TNR: variants seen among roughly 807,000 people sequenced by gnomAD.
The protein encoded by TNR is tenascin R.
A neutral mutation model predicts 150.4 loss-of-function variants in TNR; 45 were observed. That is an observed-to-expected ratio of 0.30 (90% CI 0.24 to 0.38). The LOEUF (loss-of-function observed/expected upper bound fraction) is 0.38. TNR is among the 10% of genes least tolerant of loss of function. TNR has a pLI of 1.00. For synonymous variants in TNR, 687 were observed against 678.4 expected, an observed-to-expected ratio of 1.01 and a Z score of -0.20; for missense variants, 1,544 against 1,759.1, an observed-to-expected ratio of 0.88 and a Z score of 2.19.
At chr1:175,492,427 C>T (rs189093025) in intron 2 of TNR, among the ~76,000 whole-genome samples, 111 of 152,202 alleles carry the variant, frequency 7.3e-4, no homozygotes, top group African/African-American at 2.6e-3. Context: ...GAGAGATTGC[C>T]CAAGGCCTGA....
chr1:175,488,709 T>C (rs1021056104), intron 2 of TNR, among the ~76,000 whole-genome samples: 1 of 152,188 alleles, frequency 6.6e-6, no homozygotes, highest in Non-Finnish European at 1.5e-5. Context: ...AGTGCACATG[T>C]CACTTAAGGA....
intron 1 of TNR, among the ~76,000 whole-genome samples, chr1:175,628,350 C>T (rs1664219594): frequency 6.6e-6 from 1 of 151,902 alleles, no homozygotes; most frequent in Admixed American, 6.6e-5. Context: ...GCTTGAAGGC[C>T]ACTTAAAGGG....
intron 1 of TNR, among the ~76,000 whole-genome samples, chr1:175,675,631 C>A (rs957072961): frequency 2.6e-5 from 4 of 152,182 alleles, no homozygotes; most frequent in Non-Finnish European, 4.4e-5. Flanking sequence ...ATCTGCACAT[C>A]CTTCATAGGT....
intron 2 of TNR, among the ~76,000 whole-genome samples, chr1:175,410,342 C>T (rs1297638685): frequency 6.6e-6 from 1 of 152,214 alleles, no homozygotes. Flanking sequence ...AATGCATCCA[C>T]ATATCAAACA....
chr1:175,400,530 G>A (rs1174321929), intron 4 of TNR, among the ~76,000 whole-genome samples: 1 of 152,170 alleles, frequency 6.6e-6, no homozygotes, highest in Admixed American at 6.5e-5. Context: ...CACACTATGA[G>A]GATAGATCAA....
intron 1 of TNR, among the ~76,000 whole-genome samples, chr1:175,602,013 A>G (rs192121509): frequency 1.3e-5 from 2 of 152,168 alleles, no homozygotes; most frequent in Admixed American, 1.3e-4. Flanking sequence ...GAGCAGGGAG[A>G]TCAAAAACCA....
At chr1:175,611,936 C>T (rs7546740) in intron 1 of TNR, among the ~76,000 whole-genome samples, 12 of 151,976 alleles carry the variant, frequency 7.9e-5, no homozygotes, top group East Asian at 7.7e-4. Flanking sequence ...AACAAAGAAC[C>T]GACAAGTAAC....
At chr1:175,701,338 C>T (rs1666690770) in intron 1 of TNR, among the ~76,000 whole-genome samples, 1 of 152,168 alleles carries the variant, frequency 6.6e-6, no homozygotes, top group Admixed American at 6.5e-5. Flanking sequence ...CTCATGGTGG[C>T]CTTGAATAAG....
intron 20 of TNR, among the ~76,000 whole-genome samples, chr1:175,331,003 T>C (rs868618913): frequency 2.3e-4 from 6 of 26,624 alleles, no homozygotes; most frequent in South Asian, 3.2e-3. Context: ...TGGTGATTCT[T>C]TCTTTCTTTC....
intron 2 of TNR, among the ~76,000 whole-genome samples, chr1:175,480,182 T>C (rs1450265495): frequency 2.0e-5 from 3 of 152,020 alleles, no homozygotes; most frequent in African/African-American, 7.3e-5. Context: ...AGTCAGGAGC[T>C]TGGATGTGCC....
At chr1:175,430,952 G>A (rs1175199623) in intron 2 of TNR, among the ~76,000 whole-genome samples, 1 of 152,128 alleles carries the variant, frequency 6.6e-6, no homozygotes, top group Non-Finnish European at 1.5e-5. Context: ...GTATTTTGGA[G>A]TCTATCTGAG....
chr1:175,336,122 G>A (rs1320338343), intron 19 of TNR, among the ~76,000 whole-genome samples: 2 of 152,304 alleles, frequency 1.3e-5, no homozygotes, highest in Non-Finnish European at 2.9e-5. Context: ...TAAATATCAG[G>A]GGAAATAGGC....
In TNR at chr1:175,402,079, G is replaced by A. The variant is rs577124962; in HGVS notation, c.976+1061C>T. On this transcript the variant is annotated intron_variant, in intron 4 of 22. Coordinates refer to ENST00000367674, the MANE Select transcript of TNR (RefSeq NM_003285.3). ...TCCCAGCACTTTGGGAGGCCGAGGC[G>A]GGCGGATCATGAGGTCAGGAGATCG... Among the ~76,000 whole-genome samples, 45 of 151,324 alleles carry A rather than the reference G, an allele frequency of 3.0e-4. 1 individual carries two copies. The highest frequency in any genetic ancestry group is 2.4e-3 in the Admixed American group (36 of 15,224).
intron 13 of TNR, 41 bp downstream of exon 13, chr1:175,363,667 C>T: frequency 6.3e-7 from 1 of 1,599,628 alleles, no homozygotes; most frequent in Non-Finnish European, 8.5e-7. Flanking sequence ...TAATCTTCAC[C>T]CAAATCCTAG....
chr1:175,417,634 T>A (rs1228891570), intron 2 of TNR, among the ~76,000 whole-genome samples: 4 of 152,194 alleles, frequency 2.6e-5, no homozygotes, highest in Non-Finnish European at 5.9e-5. Flanking sequence ...TAGGAACTGA[T>A]TGCTTGCTTT....
At chr1:175,732,080 C>A (rs1056735492) in intron 1 of TNR, among the ~76,000 whole-genome samples, 3 of 152,192 alleles carry the variant, frequency 2.0e-5, no homozygotes, top group African/African-American at 7.2e-5. Context: ...GCACTCCCTG[C>A]CTCCCCTTGA....
intron 2 of TNR, among the ~76,000 whole-genome samples, chr1:175,466,843 G>A (rs1467003131): frequency 6.6e-6 from 1 of 152,100 alleles, no homozygotes; most frequent in Non-Finnish European, 1.5e-5. Context: ...AGGAATCCGG[G>A]CTCCTCTTTC....
At chr1:175,603,709 G>C (rs1663322015) in intron 1 of TNR, among the ~76,000 whole-genome samples, 1 of 152,074 alleles carries the variant, frequency 6.6e-6, no homozygotes, top group Admixed American at 6.5e-5. Flanking sequence ...ATCTGTGAGT[G>C]GCAAGGTATA....
rs1259161277 is a variant in TNR, at chr1:175,417,136, A to G, written c.-63-10359T>C. Among the ~76,000 whole-genome samples, 3 of 152,228 alleles carry G rather than the reference A, an allele frequency of 2.0e-5. No individual in the cohort carries two copies. The East Asian group carries it at 5.8e-4, about 29-fold the overall frequency. ...ATAATCTAGTTGAGAAGACTAGGCTAATACACACGAAACTGAAGAACAAGG... is the reference window on the plus strand; with the variant it reads ...ATAATCTAGTTGAGAAGACTAGGCTGATACACACGAAACTGAAGAACAAGG... On this transcript the variant is annotated intron_variant, in intron 2 of 22. Coordinates refer to ENST00000367674, the MANE Select transcript of TNR (RefSeq NM_003285.3).
Sources: allele counts gnomAD v4.1 joint callset (sites outside exome capture counted in the v4.1 genomes callset), GRCh38; gene constraint gnomAD v4.1.1; transcripts MANE v1.5; gene names NCBI Gene and HGNC (gene_info 2026-07-23, HGNC 2026-07-21).